PPARA: variants seen among roughly 807,000 people sequenced by gnomAD.
The protein encoded by PPARA is peroxisome proliferator activated receptor alpha, also known as peroxisome proliferator-activated receptor alpha.
A neutral mutation model predicts 42.2 loss-of-function variants in PPARA; 22 were observed. The ratio of observed to expected loss-of-function variants is 0.52; its 90% CI spans 0.37 to 0.74. The LOEUF is 0.74. Among genes scored for constraint, PPARA ranks in the 30% least tolerant of loss-of-function variants. The probability of loss-of-function intolerance (pLI) is 0.00; values close to 1 mark genes in which losing one functional copy is unlikely to be tolerated. For synonymous variants in PPARA, 242 were observed against 239.3 expected (o/e 1.01, Z -0.10); for missense variants, 465 against 608.2 (o/e 0.76, Z 2.48).
In PPARA at chr22:46,225,982, CACACATGCATACACACACATACAA is replaced by C. The variant is rs1234964992; in HGVS notation, c.712-5799_712-5776del. 7.4e-6 allele frequency among the ~76,000 whole-genome samples: 1 copy of C among 135,160 alleles called. No homozygotes were observed. The highest frequency in any genetic ancestry group is 1.5e-5 in the Non-Finnish European group (1 of 66,450). 88.7% of individuals were successfully genotyped at this position (135,160 alleles called of 152,430 possible). On this transcript the variant is annotated intron_variant, in intron 7 of 8. Coordinates refer to ENST00000407236, the MANE Select transcript of PPARA (RefSeq NM_005036.6). The surrounding 1 kb of genome is among the most constrained non-coding windows in gnomAD (Gnocchi z 4.1). ...AAATCCACATTCACCCATACAGTCA[CACACATGCATACACACACATACAA>C]ACACATGCATTCACACAGATGCATA...
In PPARA at chr22:46,193,605, T is replaced by TA. The variant is rs910694369; in HGVS notation, c.-42-4730dup. On this transcript the variant is annotated intron_variant, in intron 3 of 8. Transcript: ENST00000407236. The surrounding 1 kb of genome is among the most constrained non-coding windows in gnomAD (Gnocchi z 5.3). ...CAAATATTTTAAATAATTTTTAAAA[T>TA]AAAAAAATAAATTGTAAGGGAAAGA... is the stretch of plus-strand genomic sequence containing the variant. 6.6e-6 allele frequency among the ~76,000 whole-genome samples: 1 copy of TA among 151,950 alleles called. No homozygotes were observed. The highest frequency in any genetic ancestry group is 2.4e-5 in the African/African-American group (1 of 41,374).
At chr22:46,186,512 A>C (rs1164559445) in intron 3 of PPARA, among the ~76,000 whole-genome samples, 1 of 152,190 alleles carries the variant, frequency 6.6e-6, no homozygotes, top group African/African-American at 2.4e-5. Context: ...GGGAGGAAGG[A>C]GCAGCACCAT....
At position 46,218,748 on chromosome 22, in the gene PPARA, C is replaced by T. The variant is rs528966271; in HGVS notation, c.508+347C>T. On this transcript the variant is annotated intron_variant, in intron 6 of 8. Transcript: ENST00000407236. ...ACTCGGGAGGCTGAGGCAGAAGAAT[C>T]GCTTGAACCCGGGAGGCGGAGGTTG... 1.9e-3 allele frequency among the ~76,000 whole-genome samples: 289 copies of T among 150,330 alleles called. 2 individuals are homozygous for T. The highest frequency in any genetic ancestry group is 6.8e-3 in the African/African-American group (279 of 40,838).
rs187673078 is a variant in PPARA, at chr22:46,221,655, C to T, written c.711+1641C>T. 1.6e-3 allele frequency among the ~76,000 whole-genome samples: 246 copies of T among 151,820 alleles called. No homozygotes were observed. The highest frequency in any genetic ancestry group is 2.8e-3 in the Non-Finnish European group (187 of 67,912). ...TCCACTAAAAATACAAAAAATTAGC[C>T]GGGCGTGGTGGCGGGCGCCTGTAGT... On this transcript the variant is annotated intron_variant, in intron 7 of 8. Coordinates refer to ENST00000407236, the MANE Select transcript of PPARA (RefSeq NM_005036.6). The surrounding 1 kb of genome is among the most constrained non-coding windows in gnomAD (Gnocchi z 5.9).
chr22:46,159,141 C>T (rs1242190232), intron 2 of PPARA, among the ~76,000 whole-genome samples: 1 of 152,156 alleles, frequency 6.6e-6, no homozygotes, highest in Non-Finnish European at 1.5e-5. Context: ...ATCTGCCCGC[C>T]TCAGCCACCC....
chr22:46,237,143 CATT>C lies in PPARA; in HGVS notation c.*1770_*1772del, dbSNP rs951168028. ...TTAGAAAATTTGGCTCTTCTGAGGT[CATT>C]ATTATTTTAAGAATGATTAGGATTG... On this transcript the variant is annotated 3_prime_UTR_variant, in exon 9 of 9. Transcript: ENST00000407236. This position sits in a 1 kb window ranked among gnomAD's most constrained non-coding sequence, Gnocchi z 6.7. 5 of 152,002 alleles carry C rather than the reference CATT, an allele frequency of 3.3e-5. No homozygotes were observed. The highest frequency in any genetic ancestry group is 1.2e-4 in the African/African-American group (5 of 41,350). 9.4% of individuals were successfully genotyped at this position (152,002 alleles called of 1,614,324 possible). A position where few individuals can be genotyped will look rare whatever the true frequency, so the allele number is the denominator to read the frequency against.
At chr22:46,205,769 A>C (rs981864451) in intron 4 of PPARA, among the ~76,000 whole-genome samples, 1 of 151,172 alleles carries the variant, frequency 6.6e-6, no homozygotes, top group Non-Finnish European at 1.5e-5. Context: ...TGTTTAAAAC[A>C]TTTAGGTGCA....
rs576116275 is a variant in PPARA at position 46,211,458 on chromosome 22, G to T, written c.209-3715G>T. On this transcript the variant is annotated intron_variant, in intron 4 of 8. Transcript: ENST00000407236. The surrounding 1 kb of genome is among the most constrained non-coding windows in gnomAD (Gnocchi z 4.1). ...GATTCCAATCATTCCAAATTATTCG[G>T]TGCAGCGCCTTTCCGCACCTGCACC... 6.2e-4 allele frequency among the ~76,000 whole-genome samples: 95 copies of T among 152,222 alleles called. No individual in the cohort carries two copies. Among genetic ancestry groups the T allele is most frequent in the Admixed American group, 1.2e-3 (19 of 15,274 alleles).
At chr22:46,226,007 A>C (rs1935414547) in intron 7 of PPARA, among the ~76,000 whole-genome samples, 1 of 151,930 alleles carries the variant, frequency 6.6e-6, no homozygotes, top group Non-Finnish European at 1.5e-5. Flanking sequence ...ACACATACAA[A>C]CACATGCATT....
chr22:46,197,507 C>T (rs1932413442), intron 3 of PPARA, among the ~76,000 whole-genome samples: 1 of 152,178 alleles, frequency 6.6e-6, no homozygotes, highest in Non-Finnish European at 1.5e-5. Context: ...ACTTTCTCAG[C>T]GTGCTGATCA....
rs1490786236 is a variant in PPARA, at chr22:46,173,658, A to G, written c.-126-3095A>G. Among the ~76,000 whole-genome samples, 3 of 152,246 alleles carry G rather than the reference A, an allele frequency of 2.0e-5. No homozygotes were observed. Among genetic ancestry groups the G allele is most frequent in the Non-Finnish European group, 4.4e-5 (3 of 68,042 alleles). Reference sequence around the variant, plus strand: ...AATAAAATGTAATACCTGACTCTGAACAGCATCCAGTACTGAAGGAGGAAA... The same window carrying G: ...AATAAAATGTAATACCTGACTCTGAGCAGCATCCAGTACTGAAGGAGGAAA... On this transcript the variant is annotated intron_variant, in intron 2 of 8. Coordinates refer to ENST00000407236, the MANE Select transcript of PPARA (RefSeq NM_005036.6). The surrounding 1 kb of genome is among the most constrained non-coding windows in gnomAD (Gnocchi z 4.3).
At position 46,211,764 on chromosome 22, in the gene PPARA, C is replaced by A. The variant is rs966638734; in HGVS notation, c.209-3409C>A. Among the ~76,000 whole-genome samples the A allele has an allele frequency of 2.0e-5, 3 of 152,150 alleles. No homozygotes were observed. The highest frequency in any genetic ancestry group is 4.4e-5 in the Non-Finnish European group (3 of 68,036). On this transcript the variant is annotated intron_variant, in intron 4 of 8. Coordinates refer to ENST00000407236, the MANE Select transcript of PPARA (RefSeq NM_005036.6). The surrounding 1 kb of genome is among the most constrained non-coding windows in gnomAD (Gnocchi z 4.1). ...GCAGTGGCACAATCTCGGCTCACTA[C>A]AACCTCCGTCTCCTGGGTTCAAGCC... is the stretch of plus-strand genomic sequence containing the variant.
rs536439462 is a variant in PPARA, at chr22:46,196,480, G to A, written c.-42-1862G>A. On this transcript the variant is annotated intron_variant, in intron 3 of 8. Coordinates refer to ENST00000407236, the MANE Select transcript of PPARA (RefSeq NM_005036.6). The surrounding 1 kb of genome is among the most constrained non-coding windows in gnomAD (Gnocchi z 5.6). ...CACACTGGCTGCCTGTTCCTGGAAT[G>A]TGCCAACATGTTTCAGTCCTGGAGC... Among the ~76,000 whole-genome samples the A allele has an allele frequency of 1.3e-5, 2 of 152,326 alleles. No homozygotes were observed. The highest frequency in any genetic ancestry group is 1.3e-4 in the Admixed American group (2 of 15,298).
In PPARA at chr22:46,171,927, G is replaced by T. The variant is rs1175938327; in HGVS notation, c.-126-4826G>T. On this transcript the variant is annotated intron_variant, in intron 2 of 8. Coordinates refer to ENST00000407236, the MANE Select transcript of PPARA (RefSeq NM_005036.6). The surrounding 1 kb of genome is among the most constrained non-coding windows in gnomAD (Gnocchi z 5.0). Reference sequence around the variant, plus strand: ...TTGCAGGGCCCGGGCAGAAGCTATAGGTGGTTCTGAGGTTTGCAGAGGGGC... The same window carrying T: ...TTGCAGGGCCCGGGCAGAAGCTATATGTGGTTCTGAGGTTTGCAGAGGGGC... Among the ~76,000 whole-genome samples the T allele has an allele frequency of 6.6e-6, 1 of 152,160 alleles. No individual in the cohort carries two copies. The highest frequency in any genetic ancestry group is 2.4e-5 in the African/African-American group (1 of 41,434).
Position 46,235,525 on chromosome 22 carries a change from A to G in PPARA, c.*145A>G, listed in dbSNP as rs972820802. 1 of 1,049,794 alleles carries G rather than the reference A, an allele frequency of 9.5e-7. No homozygotes were observed. Among genetic ancestry groups the G allele is most frequent in the Non-Finnish European group, 1.4e-6 (1 of 714,378 alleles). The allele number at this position is 1,049,794 out of a possible 1,614,324, so 65.0% of individuals were successfully genotyped here. On this transcript the variant is annotated 3_prime_UTR_variant, in exon 9 of 9. Coordinates refer to ENST00000407236, the MANE Select transcript of PPARA (RefSeq NM_005036.6). This position sits in a 1 kb window ranked among gnomAD's most constrained non-coding sequence, Gnocchi z 7.0. ...AGTCTGAGCTGTAGGTAACCGGCAT[A>G]TTATTCCATATCTTTGTTTTAACCA...
In PPARA at chr22:46,222,896, G is replaced by A. The variant is rs1019495821; in HGVS notation, c.711+2882G>A. ...AAAAACTAGCTGGGCATGGTGGCAT[G>A]TGCCTGTGGTCCCAGGTACTTGGGA... On this transcript the variant is annotated intron_variant, in intron 7 of 8. Coordinates refer to ENST00000407236, the MANE Select transcript of PPARA (RefSeq NM_005036.6). The surrounding 1 kb of genome is among the most constrained non-coding windows in gnomAD (Gnocchi z 5.9). Among the ~76,000 whole-genome samples, 2 of 152,172 alleles carry A rather than the reference G, an allele frequency of 1.3e-5. No individual in the cohort carries two copies. Among genetic ancestry groups the A allele is most frequent in the Non-Finnish European group, 2.9e-5 (2 of 68,028 alleles).
At chr22:46,174,576 G>A (rs1040926330) in intron 2 of PPARA, among the ~76,000 whole-genome samples, 1 of 152,014 alleles carries the variant, frequency 6.6e-6, no homozygotes, top group African/African-American at 2.4e-5. Context: ...CAGCACTTTG[G>A]GAAGCCGAGG....
chr22:46,167,880 CAA>C lies in PPARA; in HGVS notation c.-126-8862_-126-8861del, dbSNP rs112365984. Among the ~76,000 whole-genome samples, 5,141 of 141,156 alleles carry C rather than the reference CAA, an allele frequency of 0.036. 301 individuals carry two copies. The highest frequency in any genetic ancestry group is 0.12 in the African/African-American group (4,856 of 39,294). The allele number at this position is 141,156 out of a possible 152,430, so 92.6% of individuals were successfully genotyped here. On this transcript the variant is annotated intron_variant, in intron 2 of 8. Transcript: ENST00000407236. This position sits in a 1 kb window ranked among gnomAD's most constrained non-coding sequence, Gnocchi z 4.1. ...CAACATAACAAGAGTGGGTCTTTAC[CAA>C]AAAAAAAAAATAAAAAGCCTGTGCC...
chr22:46,206,483 G>A (rs1933322384), intron 4 of PPARA, among the ~76,000 whole-genome samples: 1 of 152,132 alleles, frequency 6.6e-6, no homozygotes, highest in South Asian at 2.1e-4. Flanking sequence ...ACCTTCTGGT[G>A]TTATTTTAGT....
Sources: allele counts gnomAD v4.1 joint callset (sites outside exome capture counted in the v4.1 genomes callset), GRCh38; gene constraint gnomAD v4.1.1; non-coding constraint Gnocchi (gnomAD v3.1); transcripts MANE v1.5; gene names NCBI Gene and HGNC (gene_info 2026-07-23, HGNC 2026-07-21).